Variants in MAST1 observed in about 807,000 individuals in gnomAD.
The protein encoded by MAST1 is microtubule-associated serine/threonine-protein kinase 1.
MAST1 carries 40 observed loss-of-function variants against 124.6 expected under a neutral mutation model. That is an observed-to-expected ratio of 0.32 (90% CI 0.25 to 0.42). The LOEUF (loss-of-function observed/expected upper bound fraction) is 0.42, where lower values mean the gene tolerates loss of function less well. Among genes scored for constraint, MAST1 ranks in the 10% least tolerant of loss-of-function variants. The probability of loss-of-function intolerance (pLI) is 1.00; values close to 1 mark genes in which losing one functional copy is unlikely to be tolerated. For synonymous variants in MAST1, 938 were observed against 939.4 expected (o/e 1.00, Z 0.03); for missense variants, 1,558 against 2,181.9 (o/e 0.71, Z 5.70).
rs1245145481 is a variant in MAST1 at position 12,874,803 on chromosome 19, C to T, written c.4646C>T (p.Ala1549Val). ...PQVGLTSRCP[A>V]EAVPPAGLTK... is the part of the protein sequence containing the mutation. ...GTGGGGCTGACCTCCCGGTGCCCTG[C>T]TGAAGCTGTGCCCCCAGCAGGCCTG... The change falls in exon 26 of 26, where the codon GCT becomes GTT. Residue 1549 changes from alanine (A) to valine (V), a missense_variant. Ala to Val is a moderately conservative substitution (Grantham distance 64). Transcript: ENST00000251472. This position sits in a 1 kb window ranked among gnomAD's most constrained non-coding sequence, Gnocchi z 6.6. 6 of 1,600,794 alleles carry T rather than the reference C, an allele frequency of 3.7e-6. No homozygotes were observed. The highest frequency in any genetic ancestry group is 5.1e-6 in the Non-Finnish European group (6 of 1,171,352).
rs751139648 is a variant in MAST1, at chr19:12,847,879, A to G, written c.596A>G (p.Asp199Gly). The G allele has an allele frequency of 1.9e-6, 3 of 1,612,580 alleles. No individual in the cohort carries two copies. Among genetic ancestry groups the G allele is most frequent in the Non-Finnish European group, 2.5e-6 (3 of 1,179,516 alleles). The change falls in exon 7 of 26, where the codon GAC becomes GGC. Residue 199 changes from aspartate (D) to glycine (G), a missense_variant. By Grantham distance (94) the Asp-to-Gly change is moderately conservative. This residue lies in a region of MAST1 where 165 missense variants were observed against 315.3 expected (regional missense o/e 0.52). Coordinates refer to ENST00000251472, the MANE Select transcript of MAST1 (RefSeq NM_014975.3). This position sits in a 1 kb window ranked among gnomAD's most constrained non-coding sequence, Gnocchi z 5.5. ...GCGCAGATGGAGGAGAAGCTGCGCG[A>G]CTTTACCCGCGCCTACGAACCCGAC... ...ATAQMEEKLR[D>G]FTRAYEPDSV...
At chr19:12,859,611 C>T (rs763722707) in intron 12 of MAST1, among the ~76,000 whole-genome samples, 5 of 151,890 alleles carry the variant, frequency 3.3e-5, no homozygotes, top group African/African-American at 4.8e-5. Flanking sequence ...CCAGCCTGGC[C>T]AACATGGTGA....
intron 21 of MAST1, 21 bp downstream of exon 21, chr19:12,868,870 G>T (rs766968036): frequency 1.3e-6 from 2 of 1,560,462 alleles, no homozygotes; most frequent in Non-Finnish European, 1.7e-6. Context: ...GCCCCACCTG[G>T]CAGGGGAGGG....
intron 10 of MAST1, among the ~76,000 whole-genome samples, chr19:12,852,746 G>A (rs1373335573): frequency 6.6e-6 from 1 of 151,624 alleles, no homozygotes; most frequent in African/African-American, 2.4e-5. Flanking sequence ...CTACTTGTGA[G>A]GCTGAGGCAG....
Position 12,865,592 on chromosome 19 carries a change from A to G in MAST1, c.1804+111A>G. 2 of 1,475,206 alleles carry G rather than the reference A, an allele frequency of 1.4e-6. No homozygotes were observed. The highest frequency in any genetic ancestry group is 4.1e-5 in the Admixed American group (2 of 48,946). 91.4% of individuals were successfully genotyped at this position (1,475,206 alleles called of 1,614,324 possible). A position where few individuals can be genotyped will look rare whatever the true frequency, so the allele number is the denominator to read the frequency against. Reference sequence around the variant, plus strand: ...ACCCCCCAGAGGATCGCTTGCACTCAGGAGGTCAAGGCTGCAGTGAGCCAT... The same window carrying G: ...ACCCCCCAGAGGATCGCTTGCACTCGGGAGGTCAAGGCTGCAGTGAGCCAT... On this transcript the variant is annotated intron_variant, in intron 15 of 25. Transcript: ENST00000251472. The surrounding 1 kb of genome is among the most constrained non-coding windows in gnomAD (Gnocchi z 7.1).
intron 12 of MAST1, among the ~76,000 whole-genome samples, chr19:12,861,389 G>C (rs371899530): frequency 1.3e-5 from 2 of 152,282 alleles, no homozygotes; most frequent in East Asian, 3.9e-4. Flanking sequence ...GAGGACATGA[G>C]GTCCATGAGG....
Position 12,874,815 on chromosome 19 carries a change from C to T in MAST1, c.4658C>T (p.Pro1553Leu), listed in dbSNP as rs1265415280. The T allele has an allele frequency of 6.3e-7, 1 of 1,597,634 alleles. No homozygotes were observed. Among genetic ancestry groups the T allele is most frequent in the Admixed American group, 1.7e-5 (1 of 59,176 alleles). The change falls in exon 26 of 26, where the codon CCC becomes CTC. Residue 1553 changes from proline to leucine, a missense_variant. Physicochemically the swap from Pro to Leu is moderately conservative, Grantham distance 98 (BLOSUM62 -3). This residue lies in a region of MAST1 where 168 missense variants were observed against 154.3 expected (regional missense o/e 1.09). Transcript: ENST00000251472. The surrounding 1 kb of genome is among the most constrained non-coding windows in gnomAD (Gnocchi z 6.6). ...TCCCGGTGCCCTGCTGAAGCTGTGC[C>T]CCCAGCAGGCCTGACCAAAAAAGGA... ...LTSRCPAEAVPPAGLTKKGVS... is the reference protein window; with the variant it reads ...LTSRCPAEAVLPAGLTKKGVS...
chr19:12,860,732 C>A (rs1970070775), intron 12 of MAST1, among the ~76,000 whole-genome samples: 1 of 152,024 alleles, frequency 6.6e-6, no homozygotes, highest in African/African-American at 2.4e-5. Flanking sequence ...CAGGCGTGAG[C>A]CATAGCTTGC....
rs1326015238 is a variant in MAST1, at chr19:12,873,369, C to G, written c.3309C>G (p.Asn1103Lys). 1 of 1,614,028 alleles carries G rather than the reference C, an allele frequency of 6.2e-7. No individual in the cohort carries two copies. ...TCCGGAAGATCACGAAGCAGTCGAACCTGCTGCATACTAGCCGCTCGCTGT... is the reference window on the plus strand; with the variant it reads ...TCCGGAAGATCACGAAGCAGTCGAAGCTGCTGCATACTAGCCGCTCGCTGT... ...SLFRKITKQS[N>K]LLHTSRSLSS... Residue 1103 changes from asparagine to lysine, a missense_variant, in exon 25 of 26, where the codon AAC becomes AAG. Physicochemically the swap from Asn to Lys is moderately conservative, Grantham distance 94 (BLOSUM62 0). Transcript: ENST00000251472.
chr19:12,850,017 C>T (rs1361151042), intron 7 of MAST1, among the ~76,000 whole-genome samples: 1 of 152,000 alleles, frequency 6.6e-6, no homozygotes, highest in Non-Finnish European at 1.5e-5. Flanking sequence ...AGGCTGGTCT[C>T]TAACTCCTGA....
chr19:12,840,875 G>A lies in MAST1; in HGVS notation c.173-116G>A. 4 of 773,000 alleles carry A rather than the reference G, an allele frequency of 5.2e-6. No homozygotes were observed. The South Asian group carries it at 5.4e-5, about 11-fold the overall frequency. The allele number at this position is 773,000 out of a possible 1,614,324, so 47.9% of individuals were successfully genotyped here. ...TAGAGAGGCGGGGCCACAGGCGAAGGGGCGTGGTCTCCCCATAATAGGCGG... is the reference window on the plus strand; with the variant it reads ...TAGAGAGGCGGGGCCACAGGCGAAGAGGCGTGGTCTCCCCATAATAGGCGG... On this transcript the variant is annotated intron_variant, in intron 2 of 25. Transcript: ENST00000251472.
chr19:12,849,842 G>T (rs565175403), intron 7 of MAST1, among the ~76,000 whole-genome samples: 1 of 151,114 alleles, frequency 6.6e-6, no homozygotes, highest in African/African-American at 2.4e-5. Flanking sequence ...TATCCCACTG[G>T]GCTGGAGTGC....
At position 12,865,286 on chromosome 19, in the gene MAST1, C is replaced by T. The variant is rs1421301950; in HGVS notation, c.1639-30C>T. The T allele has an allele frequency of 6.3e-7, 1 of 1,578,400 alleles. No individual in the cohort carries two copies. ...CTCTCCCTTGAGGGCCCTCCTCTGG[C>T]TGGGGCGTGGGCTGACAGCCTGCCC... On this transcript the variant is annotated intron_variant, in intron 14 of 25. Transcript: ENST00000251472. The surrounding 1 kb of genome is among the most constrained non-coding windows in gnomAD (Gnocchi z 7.1).
Position 12,866,605 on chromosome 19 carries a change from T to G in MAST1, c.2030-48T>G. The G allele has an allele frequency of 7.8e-7, 1 of 1,279,896 alleles. No homozygotes were observed. The highest frequency in any genetic ancestry group is 1.1e-6 in the Non-Finnish European group (1 of 888,446). The allele number at this position is 1,279,896 out of a possible 1,614,324, so 79.3% of individuals were successfully genotyped here. Reference sequence around the variant, plus strand: ...ACTGGGCTCCTGTGGGGATGTGATATGAGGAGGAACCCCGTACCCTCAGTC... The same window carrying G: ...ACTGGGCTCCTGTGGGGATGTGATAGGAGGAGGAACCCCGTACCCTCAGTC... On this transcript the variant is annotated intron_variant, in intron 17 of 25. Coordinates refer to ENST00000251472, the MANE Select transcript of MAST1 (RefSeq NM_014975.3). The surrounding 1 kb of genome is among the most constrained non-coding windows in gnomAD (Gnocchi z 5.2).
At chr19:12,839,781 A>T (rs1446876269) in intron 1 of MAST1, among the ~76,000 whole-genome samples, 2 of 152,104 alleles carry the variant, frequency 1.3e-5, no homozygotes, top group African/African-American at 4.8e-5. Context: ...GGTGGCAGGC[A>T]CCTGTAGTCC....
chr19:12,838,551 A>G lies in MAST1; in HGVS notation c.-22A>G. On this transcript the variant is annotated 5_prime_UTR_variant, in exon 1 of 26. Transcript: ENST00000251472. The surrounding 1 kb of genome is among the most constrained non-coding windows in gnomAD (Gnocchi z 4.3). Reference sequence around the variant, plus strand: ...CTCCGCCGCTGCTGCCGCACCTGCCACCATGTCGCCGCCGCCGGGTCATGT... The same window carrying G: ...CTCCGCCGCTGCTGCCGCACCTGCCGCCATGTCGCCGCCGCCGGGTCATGT... 4.7e-6 allele frequency: 7 copies of G among 1,499,446 alleles called. No individual in the cohort carries two copies. The highest frequency in any genetic ancestry group is 4.5e-6 in the Non-Finnish European group (5 of 1,119,674). The allele number at this position is 1,499,446 out of a possible 1,614,324, so 92.9% of individuals were successfully genotyped here. A position where few individuals can be genotyped will look rare whatever the true frequency, so the allele number is the denominator to read the frequency against.
At chr19:12,867,381 T>G in intron 18 of MAST1, 93 bp from the exon 19 acceptor site, 1 of 1,427,170 alleles carries the variant, frequency 7.0e-7, no homozygotes, top group East Asian at 2.3e-5. Flanking sequence ...GAGGGTGGAG[T>G]GCGTTTTGCG....
chr19:12,873,575 T>G, intron 25 of MAST1, 34 bp from the exon 26 acceptor site: 13 of 1,579,508 alleles, frequency 8.2e-6, no homozygotes, highest in Non-Finnish European at 1.1e-5. Context: ...GTGCTTGGGC[T>G]GTACTCACTC....
intron 22 of MAST1, among the ~76,000 whole-genome samples, chr19:12,869,747 T>C (rs889429780): frequency 1.3e-5 from 2 of 151,880 alleles, no homozygotes; most frequent in African/African-American, 2.4e-5. Flanking sequence ...AGACTGTTTC[T>C]TCATCTGCAA....
Sources: allele counts gnomAD v4.1 joint callset (sites outside exome capture counted in the v4.1 genomes callset), GRCh38; gene constraint gnomAD v4.1.1; regional missense constraint gnomAD v4.1.1; non-coding constraint Gnocchi (gnomAD v3.1); transcripts MANE v1.5; gene names NCBI Gene and HGNC (gene_info 2026-07-23, HGNC 2026-07-21).